Variants in RRAGC observed in about 807,000 individuals in gnomAD.
The protein encoded by RRAGC is ras-related GTP-binding protein C.
A neutral mutation model predicts 37.1 loss-of-function variants in RRAGC; 8 were observed. The ratio of observed to expected loss-of-function variants is 0.22; its 90% CI spans 0.13 to 0.39. The LOEUF is 0.39. RRAGC is among the 10% of genes least tolerant of loss of function. The pLI is 1.00. For missense variants in RRAGC, 342 were observed against 497.6 expected (o/e 0.69, Z 2.98); for synonymous variants, 190 against 181.1 (o/e 1.05, Z -0.39).
chr1:38,839,402 G>C lies in RRAGC; in HGVS notation c.*151C>G, dbSNP rs1641922773. 1.5e-6 allele frequency: 1 copy of C among 666,100 alleles called. No individual in the cohort carries two copies. The highest frequency in any genetic ancestry group is 3.0e-5 in the Admixed American group (1 of 32,808). The allele number at this position is 666,100 out of a possible 1,614,324, so 41.3% of individuals were successfully genotyped here. ...CAGTTGTACACCACCAGTTGAAGGG[G>C]TTTTCATCCAAATGAGAAACTCTAC... is the stretch of plus-strand genomic sequence containing the variant. On this transcript the variant is annotated 3_prime_UTR_variant, in exon 7 of 7. Transcript: ENST00000373001.
Position 38,839,448 on chromosome 1 carries a change from G to A in RRAGC, c.*105C>T, listed in dbSNP as rs1641923406. The A allele has an allele frequency of 1.6e-6, 2 of 1,251,330 alleles. No individual in the cohort carries two copies. The highest frequency in any genetic ancestry group is 3.0e-5 in the African/African-American group (2 of 66,974). The allele number at this position is 1,251,330 out of a possible 1,614,324, so 77.5% of individuals were successfully genotyped here. ...TCTACCCCTTGTCTCTAGTGGAACA[G>A]GCACCAGATTCCCACAAGCAGCAGC... On this transcript the variant is annotated 3_prime_UTR_variant, in exon 7 of 7. Transcript: ENST00000373001.
At chr1:38,856,642 G>A in intron 2 of RRAGC, 1 of 374,512 alleles carries the variant, frequency 2.7e-6, no homozygotes. Flanking sequence ...GCCAATGTTA[G>A]CTGCTCATCA....
chr1:38,842,896 G>A (rs1641981194), intron 6 of RRAGC, among the ~76,000 whole-genome samples: 1 of 152,136 alleles, frequency 6.6e-6, no homozygotes, highest in Non-Finnish European at 1.5e-5. Context: ...AAAGAATCAA[G>A]CAAGTTGCAG....
At chr1:38,854,155 C>T (rs2124231019) in intron 3 of RRAGC, among the ~76,000 whole-genome samples, 1 of 151,520 alleles carries the variant, frequency 6.6e-6, no homozygotes, top group South Asian at 2.1e-4. Context: ...GCAACCTCCA[C>T]CTCCTGGGTT....
chr1:38,844,491 A>G (rs1642005836), intron 6 of RRAGC, among the ~76,000 whole-genome samples: 1 of 150,416 alleles, frequency 6.6e-6, no homozygotes, highest in Admixed American at 6.6e-5. Flanking sequence ...GGTGGTCGGG[A>G]AAACAAACAC....
intron 6 of RRAGC, among the ~76,000 whole-genome samples, chr1:38,843,405 T>C (rs1014189529): frequency 6.6e-6 from 1 of 152,080 alleles, no homozygotes; most frequent in African/African-American, 2.4e-5. Flanking sequence ...ACCCAAAAAT[T>C]TGTGTATATC....
intron 5 of RRAGC, 152 bp downstream of exon 5, chr1:38,851,463 A>G (rs1434879674): frequency 3.4e-6 from 2 of 592,412 alleles, no homozygotes; most frequent in Non-Finnish European, 5.3e-6. Context: ...ACTTCCAGAG[A>G]AATCATGCTC....
chr1:38,854,841 A>G (rs888214422), intron 3 of RRAGC, among the ~76,000 whole-genome samples: 2 of 152,162 alleles, frequency 1.3e-5, no homozygotes, highest in African/African-American at 2.4e-5. Flanking sequence ...ACAACAATAG[A>G]ACGGGGACAG....
chr1:38,840,474 C>T (rs1480382382), intron 6 of RRAGC, among the ~76,000 whole-genome samples: 1 of 152,162 alleles, frequency 6.6e-6, no homozygotes. Flanking sequence ...ACAGGATATG[C>T]TAGCTGAGGC....
chr1:38,843,467 T>C (rs1222371009), intron 6 of RRAGC, among the ~76,000 whole-genome samples: 1 of 152,118 alleles, frequency 6.6e-6, no homozygotes, highest in Non-Finnish European at 1.5e-5. Flanking sequence ...ACTCCTGCAA[T>C]CCCAGCACTT....
In RRAGC at chr1:38,855,889, A is replaced by G. The variant is rs559670853; in HGVS notation, c.460T>C (p.Leu154=). ...IDAQDDYMEA[L]TRLHITVSKA... is the part of the protein sequence containing the mutation. ...GAAACAGTAATGTGAAGTCTTGTTA[A>G]AGCCTCCATGTAGTCATCCTGTAAG... is the stretch of plus-strand genomic sequence containing the variant. Residue 154 remains leucine (L), a synonymous_variant, in exon 3 of 7, where the codon TTA becomes CTA. Transcript: ENST00000373001. 4.3e-6 allele frequency: 7 copies of G among 1,613,160 alleles called. No homozygotes were observed. The African/African-American group carries it at 6.7e-5, about 15-fold the overall frequency.
intron 3 of RRAGC, among the ~76,000 whole-genome samples, chr1:38,853,911 T>C (rs967048231): frequency 1.3e-5 from 2 of 151,896 alleles, no homozygotes; most frequent in Non-Finnish European, 2.9e-5. Context: ...GGCCAAAAGG[T>C]GAGCAAAGAA....
chr1:38,841,674 A>AC (rs1641964366), intron 6 of RRAGC, among the ~76,000 whole-genome samples: 1 of 151,324 alleles, frequency 6.6e-6, no homozygotes, highest in Admixed American at 6.6e-5. Context: ...TAAAAAAAAA[A>AC]ATTTTTTTAA....
intron 4 of RRAGC, 79 bp from the exon 5 acceptor site, chr1:38,851,836 G>C: frequency 7.8e-7 from 1 of 1,285,748 alleles, no homozygotes; most frequent in Admixed American, 2.0e-5. Flanking sequence ...TAGAATTACT[G>C]AATAACATCC....
Position 38,843,970 on chromosome 1 carries a change from A to C in RRAGC, c.1048+1969T>G, listed in dbSNP as rs566965244. On this transcript the variant is annotated intron_variant, in intron 6 of 6. Transcript: ENST00000373001. Reference sequence around the variant, plus strand: ...CTGGAGTGGAATCACTGACAGTGAAAATGGAAAGGAAACCCAAGTAACAGT... The same window carrying C: ...CTGGAGTGGAATCACTGACAGTGAACATGGAAAGGAAACCCAAGTAACAGT... Among the ~76,000 whole-genome samples the C allele has an allele frequency of 3.8e-4, 58 of 152,296 alleles. 1 individual carries two copies. The South Asian group carries it at 0.012, about 32-fold the overall frequency.
At position 38,859,732 on chromosome 1, in the gene RRAGC, GCCGCCACCACCGCCA is replaced by G. The variant is rs1204969496; in HGVS notation, c.-101_-87del. Reference sequence around the variant, plus strand: ...GCCTCCCCAGTCCGCCTCCGCCGCCGCCGCCACCACCGCCACCGCCCCCGGCAGCCGCCACAGTCC... The same window carrying G: ...GCCTCCCCAGTCCGCCTCCGCCGCCGCCGCCCCCGGCAGCCGCCACAGTCC... On this transcript the variant is annotated 5_prime_UTR_variant, in exon 1 of 7. Coordinates refer to ENST00000373001, the MANE Select transcript of RRAGC (RefSeq NM_022157.4). 2 of 1,156,620 alleles carry G rather than the reference GCCGCCACCACCGCCA, an allele frequency of 1.7e-6. No homozygotes were observed. The highest frequency in any genetic ancestry group is 2.2e-6 in the Non-Finnish European group (2 of 919,890). 71.6% of individuals were successfully genotyped at this position (1,156,620 alleles called of 1,614,324 possible).
intron 6 of RRAGC, among the ~76,000 whole-genome samples, chr1:38,840,633 C>T (rs550811110): frequency 5.8e-4 from 88 of 152,162 alleles, no homozygotes; most frequent in Middle Eastern, 3.4e-3. Context: ...AATACAGACA[C>T]GATTTAATTA....
intron 6 of RRAGC, among the ~76,000 whole-genome samples, chr1:38,844,018 T>A (rs983044221): frequency 6.6e-6 from 1 of 151,992 alleles, no homozygotes; most frequent in Non-Finnish European, 1.5e-5. Context: ...ATGATCAGAT[T>A]TGGTGAAAAT....
At chr1:38,854,644 T>G (rs1255796194) in intron 3 of RRAGC, among the ~76,000 whole-genome samples, 1 of 152,204 alleles carries the variant, frequency 6.6e-6, no homozygotes, top group Non-Finnish European at 1.5e-5. Flanking sequence ...CTACAAACAT[T>G]GCTGAATTTT....
Sources: allele counts gnomAD v4.1 joint callset (sites outside exome capture counted in the v4.1 genomes callset), GRCh38; gene constraint gnomAD v4.1.1; transcripts MANE v1.5; gene names NCBI Gene and HGNC (gene_info 2026-07-23, HGNC 2026-07-21).